ZFC3H1: variants seen among roughly 807,000 people sequenced by gnomAD.
ZFC3H1 encodes the protein zinc finger C3H1 domain-containing protein.
Under a neutral mutation model 243.7 loss-of-function variants are expected in ZFC3H1, and 71 were observed. The ratio of observed to expected loss-of-function variants is 0.29; its 90% CI spans 0.24 to 0.36. The LOEUF (loss-of-function observed/expected upper bound fraction) is 0.36. Among genes scored for constraint, ZFC3H1 ranks in the 10% least tolerant of loss-of-function variants. ZFC3H1 has a pLI of 1.00. For synonymous variants in ZFC3H1, 838 were observed against 813.0 expected, an observed-to-expected ratio of 1.03 and a Z score of -0.52; for missense variants, 1,966 against 2,317.1, an observed-to-expected ratio of 0.85 and a Z score of 3.11.
chr12:71,655,241 A>T (rs1173380356), intron 2 of ZFC3H1, among the ~76,000 whole-genome samples: 1 of 152,178 alleles, frequency 6.6e-6, no homozygotes, highest in Non-Finnish European at 1.5e-5. Context: ...ATTGACTTAG[A>T]TATCAATAAA....
intron 2 of ZFC3H1, among the ~76,000 whole-genome samples, chr12:71,652,473 T>C (rs1157779167): frequency 1.3e-5 from 2 of 152,204 alleles, no homozygotes; most frequent in Non-Finnish European, 2.9e-5. Context: ...ACTGCACACA[T>C]ATTTGATTAA....
intron 1 of ZFC3H1, among the ~76,000 whole-genome samples, chr12:71,660,900 G>T (rs909899029): frequency 2.0e-5 from 3 of 151,736 alleles, no homozygotes; most frequent in Non-Finnish European, 2.9e-5. Context: ...ATCTCTTGAA[G>T]CTACAAGTTC....
At chr12:71,614,286 C>CA (rs34859592) in intron 30 of ZFC3H1, among the ~76,000 whole-genome samples, 99,726 of 151,910 alleles carry the variant, frequency 0.66, 34,904 homozygotes, top group Middle Eastern at 0.79. Context: ...AATATCCCTT[C>CA]ATTTTGCTTC....
At chr12:71,659,511 A>T (rs1021948881) in intron 1 of ZFC3H1, among the ~76,000 whole-genome samples, 1 of 152,128 alleles carries the variant, frequency 6.6e-6, no homozygotes, top group African/African-American at 2.4e-5. Flanking sequence ...CTTTGTATGT[A>T]AGTTCTGTAA....
chr12:71,648,784 G>A (rs1880795358), intron 2 of ZFC3H1, among the ~76,000 whole-genome samples: 2 of 152,144 alleles, frequency 1.3e-5, no homozygotes, highest in African/African-American at 4.8e-5. Context: ...CAACATGACT[G>A]ATACATTAGA....
At chr12:71,636,114 C>A (rs1022947542) in intron 9 of ZFC3H1, among the ~76,000 whole-genome samples, 3 of 152,018 alleles carry the variant, frequency 2.0e-5, no homozygotes, top group African/African-American at 4.8e-5. Flanking sequence ...GGAAAACATA[C>A]ACAAAGTATA....
chr12:71,663,336 G>A lies in ZFC3H1; in HGVS notation c.275C>T (p.Ala92Val), dbSNP rs1197833499. 6.2e-7 allele frequency: 1 copy of A among 1,613,226 alleles called. No homozygotes were observed. The highest frequency in any genetic ancestry group is 8.5e-7 in the Non-Finnish European group (1 of 1,180,032). ...QLRNFSRSRH[A>V]SERGHLRGPS... ...TCCCCTGAGGTGGCCCCGCTCAGAC[G>A]CGTGCCGCGAGCGTGAGAAATTCCT... Residue 92 changes from alanine (A) to valine (V), a missense_variant, in exon 1 of 35, where the codon GCG becomes GTG. Ala to Val is a moderately conservative substitution (Grantham distance 64). Transcript: ENST00000378743.
chr12:71,633,479 C>T lies in ZFC3H1; in HGVS notation c.2511-41G>A, dbSNP rs570103487. ...CAAAATTCTTGTTAATGTTTCCCTA[C>T]AAGAGCAGACTGTCAGAATAAAAAA... On this transcript the variant is annotated intron_variant, in intron 12 of 34. Transcript: ENST00000378743. The T allele has an allele frequency of 2.7e-6, 4 of 1,466,678 alleles. No individual in the cohort carries two copies. In the African/African-American group the frequency reaches 4.3e-5, roughly 16 times the overall value. The allele number at this position is 1,466,678 out of a possible 1,614,324, so 90.9% of individuals were successfully genotyped here.
chr12:71,619,101 G>A (rs984107071), intron 27 of ZFC3H1, among the ~76,000 whole-genome samples: 1 of 151,734 alleles, frequency 6.6e-6, no homozygotes, highest in African/African-American at 2.4e-5. Context: ...GCCTTACTTT[G>A]TACAGTGTGT....
At chr12:71,657,686 C>T (rs1448772430) in intron 1 of ZFC3H1, among the ~76,000 whole-genome samples, 4 of 152,054 alleles carry the variant, frequency 2.6e-5, no homozygotes, top group East Asian at 1.9e-4. Flanking sequence ...GTCACAGATG[C>T]GGATAGTTTA....
In ZFC3H1 at chr12:71,610,557, C is replaced by T; in HGVS notation, c.5841G>A (p.Leu1947=). The change falls in exon 35 of 35, where the codon TTG becomes TTA. Residue 1947 remains leucine, a synonymous_variant. Coordinates refer to ENST00000378743, the MANE Select transcript of ZFC3H1 (RefSeq NM_144982.5). ...TTTTACCTCCTTCTGATGCTTCAAA[C>T]AAGAGTTGCTGTAAAAGACAGGGAA... ...LCASLWKDQL[L]FEASEGGKTD... is the part of the protein sequence containing the mutation. The T allele has an allele frequency of 1.2e-6, 2 of 1,613,176 alleles. No homozygotes were observed. Among genetic ancestry groups the T allele is most frequent in the Non-Finnish European group, 1.7e-6 (2 of 1,179,468 alleles).
intron 3 of ZFC3H1, among the ~76,000 whole-genome samples, chr12:71,646,916 G>T (rs1880744342): frequency 6.6e-6 from 1 of 152,168 alleles, no homozygotes; most frequent in South Asian, 2.1e-4. Context: ...TACTTGCTCT[G>T]ACACTTAATT....
In ZFC3H1 at chr12:71,647,779, T is replaced by C. The variant is rs1880765453; in HGVS notation, c.1050A>G (p.Arg350=). ...CAGACAGAATATCTGAGGTACTAAT[T>C]CTTCTTGTTAAATTTTGTTCTTTAT... ...LQDKEQNLTR[R]ISTSDILSEK... Residue 350 remains arginine (R), a synonymous_variant, in exon 3 of 35, where the codon AGA becomes AGG. Coordinates refer to ENST00000378743, the MANE Select transcript of ZFC3H1 (RefSeq NM_144982.5). 1 of 1,475,914 alleles carries C rather than the reference T, an allele frequency of 6.8e-7. No homozygotes were observed. Among genetic ancestry groups the C allele is most frequent in the Non-Finnish European group, 9.2e-7 (1 of 1,084,648 alleles). The allele number at this position is 1,475,914 out of a possible 1,614,324, so 91.4% of individuals were successfully genotyped here.
rs1452634785 is a variant in ZFC3H1 at position 71,628,934 on chromosome 12, T to C, written c.3930A>G (p.Thr1310=). 1 of 1,608,570 alleles carries C rather than the reference T, an allele frequency of 6.2e-7. No homozygotes were observed. The highest frequency in any genetic ancestry group is 8.5e-7 in the Non-Finnish European group (1 of 1,178,586). The stretch of plus-strand genomic sequence containing the variant: ...ACTTCTTACCATACTTAATTGGTCC[T>C]GTAGACTGTTCCTCATCACTACTGA... ...NSFSSDEEQS[T]GPIKYAFQPE... The change falls in exon 20 of 35, where the codon ACA becomes ACG. Residue 1310 remains threonine (T), a synonymous_variant. Transcript: ENST00000378743.
At chr12:71,641,951 G>C (rs1245678359) in intron 6 of ZFC3H1, among the ~76,000 whole-genome samples, 2 of 152,156 alleles carry the variant, frequency 1.3e-5, no homozygotes, top group East Asian at 3.8e-4. Context: ...CCAGGTTCAA[G>C]AAATTCTCAT....
At chr12:71,634,061 ATAATCT>A (rs1565815388) in intron 12 of ZFC3H1, 88 bp downstream of exon 12, 1 of 1,276,488 alleles carries the variant, frequency 7.8e-7, no homozygotes, top group African/African-American at 1.5e-5. Flanking sequence ...GAGAAAATGT[ATAATCT>A]TATAGTACGC....
intron 2 of ZFC3H1, among the ~76,000 whole-genome samples, chr12:71,649,091 CAAAAA>C (rs35231608): frequency 3.3e-5 from 3 of 89,828 alleles, no homozygotes; most frequent in Non-Finnish European, 2.4e-5. Context: ...ACTCTTGTCT[CAAAAA>C]AAAAAAAAAA....
chr12:71,638,846 T>C lies in ZFC3H1; in HGVS notation c.1628-331A>G, dbSNP rs954502689. Among the ~76,000 whole-genome samples the C allele has an allele frequency of 3.9e-5, 6 of 152,060 alleles. No homozygotes were observed. In the South Asian group the frequency reaches 1.0e-3, roughly 26 times the overall value. On this transcript the variant is annotated intron_variant, in intron 6 of 34. Transcript: ENST00000378743. ...AAACAAACAAAAAAAAACACAAGCATATTTTTTAAGAAATAATGAAACAAA... is the reference window on the plus strand; with the variant it reads ...AAACAAACAAAAAAAAACACAAGCACATTTTTTAAGAAATAATGAAACAAA...
chr12:71,655,516 T>A (rs1880993975), intron 2 of ZFC3H1, among the ~76,000 whole-genome samples: 1 of 152,076 alleles, frequency 6.6e-6, no homozygotes, highest in Non-Finnish European at 1.5e-5. Context: ...TTATAAATAC[T>A]ACAGATAAAA....
Sources: gnomAD v4.1 joint callset for allele counts (sites outside exome capture counted in the v4.1 genomes callset) on GRCh38, gnomAD v4.1.1 for gene constraint, MANE v1.5 for transcripts, NCBI Gene and HGNC (gene_info 2026-07-23, HGNC 2026-07-21) for gene names.